The following TRIM66 variants were observed in gnomAD, a reference collection of about 807,000 sequenced individuals.
TRIM66 encodes tripartite motif containing 66.
A neutral mutation model predicts 148.2 loss-of-function variants in TRIM66; 99 were observed. That is an observed-to-expected ratio of 0.67 (90% confidence interval 0.57 to 0.79). The LOEUF is 0.79. TRIM66 is among the 30% of genes least tolerant of loss of function. The pLI, the probability that TRIM66 is intolerant of heterozygous loss-of-function variation, is 0.00. For synonymous variants in TRIM66, 616 were observed against 635.9 expected (o/e 0.97, Z 0.47); for missense variants, 1,666 against 1,697.9 (o/e 0.98, Z 0.33).
rs549188259 is a variant in TRIM66 at position 8,640,794 on chromosome 11, C to T, written c.1581G>A (p.Leu527=). The change falls in exon 14 of 25, where the codon CTG becomes CTA. Residue 527 remains leucine (L), a synonymous_variant. Transcript: ENST00000646038. Reference sequence around the variant, plus strand: ...GCTGGGTTTCCAGCCAGGGCTGCAGCAGCTTTGGTGGATGAGGGCTGCAGG... The same window carrying T: ...GCTGGGTTTCCAGCCAGGGCTGCAGTAGCTTTGGTGGATGAGGGCTGCAGG... ...ELACSPHPPK[L]LQPWLETQPP... The T allele has an allele frequency of 2.7e-5, 42 of 1,551,062 alleles. No individual in the cohort carries two copies. In the East Asian group the frequency reaches 9.0e-4, roughly 33 times the overall value.
At chr11:8,672,620 T>TC (rs1491228494) in intron 4 of TRIM66, among the ~76,000 whole-genome samples, 5 of 5,344 alleles carry the variant, frequency 9.4e-4, no homozygotes, top group African/African-American at 2.9e-3. Flanking sequence ...CTCCAGTCTC[T>TC]TTTTTTTTTT....
chr11:8,617,943 C>T lies in TRIM66; in HGVS notation c.*1G>A. On this transcript the variant is annotated 3_prime_UTR_variant, in exon 25 of 25. Transcript: ENST00000646038. ...CAGAGTGCCCAGTCTCCTTTTGGCTCTCACACCTGAGAGATGCTGTTGGCC... is the reference window on the plus strand; with the variant it reads ...CAGAGTGCCCAGTCTCCTTTTGGCTTTCACACCTGAGAGATGCTGTTGGCC... 1 of 1,551,698 alleles carries T rather than the reference C, an allele frequency of 6.4e-7. No individual in the cohort carries two copies. The highest frequency in any genetic ancestry group is 2.4e-5 in the East Asian group (1 of 40,920).
At position 8,625,131 on chromosome 11, in the gene TRIM66, C is replaced by G. The variant is rs1356397066; in HGVS notation, c.2408G>C (p.Ser803Thr). ...GGCACCAGCTGTCAGGTTGCTCACA[C>G]TCTGGATCTGTGGCTCTAGGGGCCT... ...LERPLEPQIQ[S>T]VSNLTAGAPQ... is the part of the protein sequence containing the mutation. The change falls in exon 16 of 25, where the codon AGT (serine) becomes ACT (threonine). Residue 803 changes from serine (S) to threonine (T), a missense_variant. By Grantham distance (58) the Ser-to-Thr change is moderately conservative. Coordinates refer to ENST00000646038, the MANE Select transcript of TRIM66 (RefSeq NM_001388022.1). The G allele has an allele frequency of 3.5e-5, 54 of 1,551,016 alleles. No homozygotes were observed. Among genetic ancestry groups the G allele is most frequent in the Middle Eastern group, 3.3e-4 (2 of 6,010 alleles).
At chr11:8,654,077 A>G (rs573605346) in intron 6 of TRIM66, among the ~76,000 whole-genome samples, 5 of 152,356 alleles carry the variant, frequency 3.3e-5, no homozygotes, top group Non-Finnish European at 7.3e-5. Context: ...CGGGTACCAG[A>G]TGCCCAAACA....
rs116596625 is a variant in TRIM66 at position 8,648,796 on chromosome 11, C to T, written c.593-248G>A. Among the ~76,000 whole-genome samples the T allele has an allele frequency of 3.6e-3, 551 of 152,342 alleles. 7 individuals are homozygous for T. Among genetic ancestry groups the T allele is most frequent in the African/African-American group, 0.013 (538 of 41,578 alleles). On this transcript the variant is annotated intron_variant, in intron 8 of 24. Transcript: ENST00000646038. ...CAAGCATCCCACTACCTGCCAGAGGCTGAGGAAGGCGCTTGCTACTACTCC... is the reference window on the plus strand; with the variant it reads ...CAAGCATCCCACTACCTGCCAGAGGTTGAGGAAGGCGCTTGCTACTACTCC...
intron 15 of TRIM66, among the ~76,000 whole-genome samples, chr11:8,637,918 G>T (rs2036029944): frequency 6.6e-6 from 1 of 152,196 alleles, no homozygotes; most frequent in Non-Finnish European, 1.5e-5. Context: ...GGGGGTGAAG[G>T]GGCAGAGGTG....
intron 19 of TRIM66, 56 bp downstream of exon 19, chr11:8,621,589 A>G: frequency 1.1e-5 from 16 of 1,459,500 alleles, no homozygotes; most frequent in Non-Finnish European, 8.1e-6. Context: ...AGTAGCAGAA[A>G]GAATAAGCTC....
At chr11:8,632,890 T>C (rs2035544371) in intron 15 of TRIM66, among the ~76,000 whole-genome samples, 1 of 152,190 alleles carries the variant, frequency 6.6e-6, no homozygotes, top group African/African-American at 2.4e-5. Context: ...TATGATAACT[T>C]AGTAAAGCCA....
chr11:8,630,157 G>C (rs1187179462), intron 15 of TRIM66, among the ~76,000 whole-genome samples: 1 of 152,200 alleles, frequency 6.6e-6, no homozygotes, highest in Non-Finnish European at 1.5e-5. Flanking sequence ...TCAGAGCAAG[G>C]AAAGCAGGCT....
At chr11:8,628,781 CCT>C (rs1230044470) in intron 15 of TRIM66, among the ~76,000 whole-genome samples, 2 of 152,070 alleles carry the variant, frequency 1.3e-5, no homozygotes, top group South Asian at 2.1e-4. Context: ...CTCTCTCCCT[CCT>C]CTCTCATGAG....
At chr11:8,652,213 G>T (rs960012711) in intron 6 of TRIM66, among the ~76,000 whole-genome samples, 1 of 151,996 alleles carries the variant, frequency 6.6e-6, no homozygotes, top group Non-Finnish European at 1.5e-5. Flanking sequence ...ACAATCAGGT[G>T]CCTTCTTGCT....
At chr11:8,682,737 G>T, upstream of TRIM66, 1 of 1,587,034 alleles carries the variant, frequency 6.3e-7, no homozygotes, top group African/African-American at 1.3e-5. Context: ...CCGGAAGTGA[G>T]GCGTTTTGCC....
chr11:8,654,279 C>G (rs2037623012), intron 6 of TRIM66, among the ~76,000 whole-genome samples: 1 of 152,202 alleles, frequency 6.6e-6, no homozygotes. Context: ...TAACATACAA[C>G]CTGTGTTTTT....
At chr11:8,663,120 C>T (rs1565563038) in intron 6 of TRIM66, 1 of 152,262 alleles carries the variant, frequency 6.6e-6, no homozygotes, top group Non-Finnish European at 1.5e-5. Flanking sequence ...ATTCTCACCA[C>T]ACTCCTACCT....
At position 8,620,144 on chromosome 11, in the gene TRIM66, AAC is replaced by A; in HGVS notation, c.3673-22_3673-21del. ...ACACTTCTGCAAAATCAGAATTGGC[AAC>A]AGAGTCACTTTGTTCTGGTCTCACC... On this transcript the variant is annotated intron_variant, in intron 21 of 24. Coordinates refer to ENST00000646038, the MANE Select transcript of TRIM66 (RefSeq NM_001388022.1). 1.9e-6 allele frequency: 3 copies of A among 1,550,560 alleles called. No individual in the cohort carries two copies. Among genetic ancestry groups the A allele is most frequent in the Non-Finnish European group, 2.6e-6 (3 of 1,145,962 alleles).
At chr11:8,666,331 C>G (rs1289436499) in intron 6 of TRIM66, among the ~76,000 whole-genome samples, 1 of 105,858 alleles carries the variant, frequency 9.4e-6, no homozygotes, top group East Asian at 2.8e-4. Context: ...AAGAGCAAAA[C>G]TCCGCCTCAG....
At chr11:8,673,020 A>T (rs2039015352) in intron 4 of TRIM66, among the ~76,000 whole-genome samples, 1 of 149,112 alleles carries the variant, frequency 6.7e-6, no homozygotes, top group Admixed American at 6.8e-5. Context: ...GCTCACTGCA[A>T]GCTCCACCTC....
At chr11:8,651,418 T>C (rs2037346557) in intron 7 of TRIM66, among the ~76,000 whole-genome samples, 1 of 152,154 alleles carries the variant, frequency 6.6e-6, no homozygotes, top group South Asian at 2.1e-4. Flanking sequence ...TCCAGGCTGG[T>C]ACATGAATTT....
At chr11:8,654,992 C>G (rs2037693482) in intron 6 of TRIM66, among the ~76,000 whole-genome samples, 1 of 152,084 alleles carries the variant, frequency 6.6e-6, no homozygotes, top group African/African-American at 2.4e-5. Flanking sequence ...TCCTGAGTAG[C>G]TGGGATTACA....
Sources: allele counts gnomAD v4.1 joint callset (sites outside exome capture counted in the v4.1 genomes callset), GRCh38; gene constraint gnomAD v4.1.1; transcripts MANE v1.5; gene names NCBI Gene and HGNC (gene_info 2026-07-23, HGNC 2026-07-21).